Variants in ZNF91 observed in about 807,000 individuals in gnomAD.
ZNF91 encodes zinc finger protein 91.
ZNF91 carries 7 observed loss-of-function variants against 12.6 expected under a neutral mutation model. That is an observed-to-expected ratio of 0.55 (90% CI 0.31 to 1.04). The LOEUF (loss-of-function observed/expected upper bound fraction) is 1.04, where lower values mean the gene tolerates loss of function less well. Ranked by LOEUF, ZNF91 falls within the 50% of genes least tolerant of loss-of-function variation. The probability of loss-of-function intolerance (pLI) is 0.05; values close to 1 mark genes in which losing one functional copy is unlikely to be tolerated. For synonymous variants in ZNF91, 453 were observed against 462.6 expected (o/e 0.98, Z 0.27); for missense variants, 1,217 against 1,385.4 (o/e 0.88, Z 1.93).
At chr19:23,380,253 G>C (rs1056391083) in intron 1 of ZNF91, 1 of 100,934 alleles carries the variant, frequency 9.9e-6, no homozygotes, top group Admixed American at 1.3e-4. Context: ...GGCAATGGGG[G>C]GAAAATCCGT....
downstream of ZNF91, among the ~76,000 whole-genome samples, chr19:23,355,357 G>C (rs1968460058): frequency 6.6e-6 from 1 of 152,146 alleles, no homozygotes; most frequent in Admixed American, 6.5e-5. Context: ...AAGTGGGGAA[G>C]TATACCCTTT....
chr19:23,352,196 T>TG (rs1433732345), intron 3 of ZNF91, among the ~76,000 whole-genome samples: 2 of 152,118 alleles, frequency 1.3e-5, no homozygotes, highest in African/African-American at 4.8e-5. Context: ...GGGGCTGTTG[T>TG]GGGGGCAAAG....
At chr19:23,371,554 G>A (rs1370908090) in intron 3 of ZNF91, among the ~76,000 whole-genome samples, 2 of 151,736 alleles carry the variant, frequency 1.3e-5, no homozygotes, top group Non-Finnish European at 2.9e-5. Flanking sequence ...TAATACATAA[G>A]TAAAACCAAA....
At chr19:23,365,248 ATTTCCAAAATAAAAAG>A (rs1968955079) in intron 3 of ZNF91, among the ~76,000 whole-genome samples, 1 of 151,990 alleles carries the variant, frequency 6.6e-6, no homozygotes, top group Non-Finnish European at 1.5e-5. Flanking sequence ...AAAATAAAAA[ATTTCCAAAATAAAAAG>A]TGAGCGTGTT....
chr19:23,335,677 T>G (rs377560978), downstream of ZNF91, among the ~76,000 whole-genome samples: 1 of 152,092 alleles, frequency 6.6e-6, no homozygotes, highest in South Asian at 2.1e-4. Context: ...GTTGGAAAAG[T>G]GTAGCATTAG....
chr19:23,392,531 C>T (rs1970102409), intron 1 of ZNF91, among the ~76,000 whole-genome samples: 1 of 152,052 alleles, frequency 6.6e-6, no homozygotes, highest in Non-Finnish European at 1.5e-5. Flanking sequence ...CGACAGCTCA[C>T]ATCTGTAATC....
chr19:23,350,055 T>C (rs1219757427), intron 3 of ZNF91, among the ~76,000 whole-genome samples: 1 of 152,186 alleles, frequency 6.6e-6, no homozygotes, highest in African/African-American at 2.4e-5. Context: ...GCCTCAGCCT[T>C]GGAAATGCTC....
At chr19:23,325,913 T>C (rs1034281309) in intron 1 of ZNF91, 1 of 152,220 alleles carries the variant, frequency 6.6e-6, no homozygotes, top group African/African-American at 2.4e-5. Flanking sequence ...CCCTCCCTGT[T>C]GTCTACAAAA....
At chr19:23,367,094 G>A (rs1032241231) in intron 3 of ZNF91, among the ~76,000 whole-genome samples, 1 of 152,160 alleles carries the variant, frequency 6.6e-6, no homozygotes, top group African/African-American at 2.4e-5. Flanking sequence ...AAAGTTTCAG[G>A]CCAGCCTGGG....
chr19:23,325,101 G>C (rs753298305), intron 1 of ZNF91: 2 of 151,494 alleles, frequency 1.3e-5, no homozygotes, highest in Non-Finnish European at 2.9e-5. Context: ...ACTGATCTGA[G>C]CCTTGTTCTG....
chr19:23,356,173 T>C (rs1012687267), downstream of ZNF91, among the ~76,000 whole-genome samples: 1 of 152,112 alleles, frequency 6.6e-6, no homozygotes, highest in Non-Finnish European at 1.5e-5. Flanking sequence ...ACTGAGTATC[T>C]ACCCAGAGAA....
chr19:23,393,324 C>T lies in ZNF91; in HGVS notation c.30+2001G>A, dbSNP rs954882633. Reference sequence around the variant, plus strand: ...ATGCCTCTCAGCCTCAGGGCATCCACGTCCACACTTGAGAAGCTAAACTCA... The same window carrying T: ...ATGCCTCTCAGCCTCAGGGCATCCATGTCCACACTTGAGAAGCTAAACTCA... On this transcript the variant is annotated intron_variant, in intron 1 of 3. Transcript: ENST00000300619. 3.9e-5 allele frequency among the ~76,000 whole-genome samples: 6 copies of T among 152,146 alleles called. No individual in the cohort carries two copies. In the East Asian group the frequency reaches 1.2e-3, roughly 29 times the overall value.
At chr19:23,385,173 G>C in intron 1 of ZNF91, 1 of 695,498 alleles carries the variant, frequency 1.4e-6, no homozygotes, top group Non-Finnish European at 2.6e-6. Context: ...AGCTCATCAA[G>C]GGAAAGACTA....
At chr19:23,384,637 G>T in intron 1 of ZNF91, 1 of 725,210 alleles carries the variant, frequency 1.4e-6, no homozygotes, top group Non-Finnish European at 2.1e-6. Flanking sequence ...CCTCTTGGAG[G>T]CTTTTGCCAT....
Position 23,362,695 on chromosome 19 carries a change from C to T in ZNF91, c.284G>A (p.Trp95Ter). Residue 95 changes from tryptophan (W) to a stop codon, truncating the protein, a stop_gained, in exon 4 of 4, where the codon TGG becomes TAG. Transcript: ENST00000300619. LOFTEE classifies it low-confidence loss of function (END_TRUNC). Reference sequence around the variant, plus strand: ...AGAATCTTCCATGCTCTGCTCTGGCCAAAAGTCTTGAGGAAAATGAGGACA... The same window carrying T: ...AGAATCTTCCATGCTCTGCTCTGGCTAAAAGTCTTGAGGAAAATGAGGACA... ...GICPHFPQDF[W>*]PEQSMEDSFQ... is the part of the protein sequence containing the mutation. The T allele has an allele frequency of 6.8e-7, 1 of 1,471,166 alleles. No individual in the cohort carries two copies. The highest frequency in any genetic ancestry group is 9.0e-7 in the Non-Finnish European group (1 of 1,112,586). The allele number at this position is 1,471,166 out of a possible 1,614,324, so 91.1% of individuals were successfully genotyped here.
intron 3 of ZNF91, among the ~76,000 whole-genome samples, chr19:23,352,430 G>T (rs566947819): frequency 6.6e-6 from 1 of 151,946 alleles, no homozygotes; most frequent in East Asian, 1.9e-4. Flanking sequence ...AGCACCTCCC[G>T]CACCCAATGA....
At position 23,373,803 on chromosome 19, in the gene ZNF91, A is replaced by G. The variant is rs34740519; in HGVS notation, c.192T>C (p.Tyr64=). Residue 64 remains tyrosine (Y), a synonymous_variant, in exon 3 of 4, where the codon TAT becomes TAC. Transcript: ENST00000300619. ...IALSKPDLIT[Y]LEQGKEPWNM... is the part of the protein sequence containing the mutation. ...TCCAGGGCTCTTTTCCTTGCTCCAGATAAGTAATCAGGTCTGGCTTAGAGA... is the reference window on the plus strand; with the variant it reads ...TCCAGGGCTCTTTTCCTTGCTCCAGGTAAGTAATCAGGTCTGGCTTAGAGA... 0.011 allele frequency: 18,511 copies of G among 1,611,290 alleles called. 127 individuals carry two copies. The highest frequency in any genetic ancestry group is 0.014 in the Non-Finnish European group (16,077 of 1,178,418).
chr19:23,318,444 G>A (rs1406728644), intron 1 of ZNF91, among the ~76,000 whole-genome samples: 3 of 152,128 alleles, frequency 2.0e-5, no homozygotes, highest in Non-Finnish European at 4.4e-5. Context: ...TGCAGGAAAG[G>A]TTGTGATGTG....
At chr19:23,314,853 G>C (rs554590059), upstream of ZNF91, among the ~76,000 whole-genome samples, 1 of 152,318 alleles carries the variant, frequency 6.6e-6, no homozygotes, top group Non-Finnish European at 1.5e-5. Flanking sequence ...TAGGTGATGT[G>C]ACTGTCCTCT....
Sources: gnomAD v4.1 joint callset for allele counts (sites outside exome capture counted in the v4.1 genomes callset) on GRCh38, gnomAD v4.1.1 for gene constraint, MANE v1.5 for transcripts, NCBI Gene and HGNC (gene_info 2026-07-23, HGNC 2026-07-21) for gene names.